The following PCID2 variants were observed in gnomAD, a reference collection of about 807,000 sequenced individuals.
The protein encoded by PCID2 is PCI domain containing 2, also known as PCI domain-containing protein 2.
In PCID2, 41 loss-of-function variants were observed where a neutral mutation model predicts 61.3. That is an observed-to-expected ratio of 0.67 (90% confidence interval 0.52 to 0.87). The LOEUF (loss-of-function observed/expected upper bound fraction) is 0.87. Ranked by LOEUF, PCID2 falls within the 40% of genes least tolerant of loss-of-function variation. PCID2 has a pLI of 0.00. For synonymous variants in PCID2, 187 were observed against 177.8 expected (o/e 1.05, Z -0.41); for missense variants, 392 against 493.4 (o/e 0.79, Z 1.95).
At chr13:113,183,929 G>A (rs139815795) in intron 9 of PCID2, 1 of 985,380 alleles carries the variant, frequency 1.0e-6, no homozygotes, top group East Asian at 1.1e-4. Context: ...CATATCCCCT[G>A]CTTCTAAGTC....
At chr13:113,202,694 CTG>C (rs1386242329) in intron 1 of PCID2, among the ~76,000 whole-genome samples, 6 of 152,094 alleles carry the variant, frequency 3.9e-5, no homozygotes, top group South Asian at 2.1e-4. Flanking sequence ...GTGTTTATGT[CTG>C]TGTGTGTGTC....
At chr13:113,204,136 C>A (rs952489179) in intron 1 of PCID2, among the ~76,000 whole-genome samples, 17 of 152,250 alleles carry the variant, frequency 1.1e-4, no homozygotes, top group African/African-American at 3.6e-4. Context: ...GCACTCCAGG[C>A]CCCGCACTGT....
intron 1 of PCID2, among the ~76,000 whole-genome samples, chr13:113,204,932 C>A (rs1001847018): frequency 6.6e-5 from 10 of 152,178 alleles, no homozygotes; most frequent in Non-Finnish European, 1.3e-4. Flanking sequence ...CTGAGCGGCA[C>A]CCCCAGGCCT....
At chr13:113,171,562 T>C in the PCID2 span, 6 of 1,613,716 alleles carry the variant, frequency 3.7e-6, no homozygotes, top group South Asian at 4.4e-5. The surrounding 1 kb of genome is among the most constrained non-coding windows in gnomAD (Gnocchi z 5.1). Context: ...AAAATCAGAC[T>C]GTAAAGAACT....
the PCID2 span, chr13:113,172,498 A>G: frequency 3.3e-6 from 1 of 307,028 alleles, no homozygotes; most frequent in Non-Finnish European, 6.3e-6. Context: ...AAGCGACAAC[A>G]ATCTCCGGTT....
the PCID2 span, chr13:113,172,118 T>C: frequency 1.2e-6 from 2 of 1,611,844 alleles, no homozygotes; most frequent in East Asian, 2.2e-5. Flanking sequence ...GAAACTCAGC[T>C]AGCCAGAATG....
At chr13:113,175,704 T>C (rs2037174844), downstream of PCID2, among the ~76,000 whole-genome samples, 1 of 152,198 alleles carries the variant, frequency 6.6e-6, no homozygotes, top group Non-Finnish European at 1.5e-5. Flanking sequence ...AGCAGCTACG[T>C]AGGTCAAGAG....
At chr13:113,187,885 C>A (rs564194539) in intron 7 of PCID2, 89 of 152,144 alleles carry the variant, frequency 5.8e-4, no homozygotes, top group African/African-American at 2.1e-3. Flanking sequence ...CTTTTGTTGT[C>A]GTATCTGAGA....
In PCID2 at chr13:113,208,338, C is replaced by G. The variant is rs1402174799; in HGVS notation, c.36+261G>C. 3 of 1,432,090 alleles carry G rather than the reference C, an allele frequency of 2.1e-6. No homozygotes were observed. The African/African-American group carries it at 4.3e-5, about 21-fold the overall frequency. The allele number at this position is 1,432,090 out of a possible 1,614,324, so 88.7% of individuals were successfully genotyped here. A position where few individuals can be genotyped will look rare whatever the true frequency, so the allele number is the denominator to read the frequency against. ...AGTGAGGGCAGCGACCTGGGACCGC[C>G]GCGTCTACTTACACCGCGACGACTC... On this transcript the variant is annotated intron_variant, in intron 1 of 13. Transcript: ENST00000337344.
rs1566951019 is a variant in PCID2, at chr13:113,185,550, T to C, written c.478A>G (p.Ile160Val). 3 of 1,608,644 alleles carry C rather than the reference T, an allele frequency of 1.9e-6. No individual in the cohort carries two copies. Among genetic ancestry groups the C allele is most frequent in the Non-Finnish European group, 2.6e-6 (3 of 1,175,124 alleles). ...RVCASDTRAG[I>V]EDSKKWGMLF... ...ATGCCCCACTTCTTAGAGTCCTCTA[T>C]ACCAGCACGGCTATGGGGAAATAAT... The change falls in exon 8 of 14, where the codon ATA (isoleucine) becomes GTA (valine). Residue 160 changes from isoleucine (I) to valine (V), a missense_variant. Physicochemically the swap from Ile to Val is conservative, Grantham distance 29 (BLOSUM62 3). Coordinates refer to ENST00000337344, the MANE Select transcript of PCID2 (RefSeq NM_001127202.4).
chr13:113,180,495 G>C (rs1039574604), intron 10 of PCID2, among the ~76,000 whole-genome samples: 3 of 152,164 alleles, frequency 2.0e-5, no homozygotes, highest in Admixed American at 6.5e-5. Context: ...TATAACAGGA[G>C]AGTGATAACT....
the PCID2 span, chr13:113,165,095 CG>C: frequency 1.2e-6 from 2 of 1,612,464 alleles, no homozygotes; most frequent in South Asian, 2.2e-5. Flanking sequence ...AAGCGTGCAC[CG>C]GATCTACAGG....
intron 3 of PCID2, among the ~76,000 whole-genome samples, 155 bp from the exon 4 acceptor site, chr13:113,197,398 A>G (rs772541030): frequency 1.3e-5 from 2 of 152,248 alleles, no homozygotes; most frequent in Non-Finnish European, 2.9e-5. Flanking sequence ...ACAGGTGAGG[A>G]TAAGAGGAAG....
chr13:113,183,853 A>G, intron 9 of PCID2: 1 of 985,438 alleles, frequency 1.0e-6, no homozygotes, highest in South Asian at 4.7e-5. Context: ...TTTAAACAGG[A>G]GCTCTGTGGT....
chr13:113,183,760 C>T (rs1409040843), intron 9 of PCID2: 1 of 984,588 alleles, frequency 1.0e-6, no homozygotes, highest in African/African-American at 1.8e-5. Flanking sequence ...AAAAAGAAGA[C>T]TAGTTTCCTG....
At chr13:113,191,106 T>A (rs1595207494) in intron 6 of PCID2, 131 bp from the exon 7 acceptor site, 2 of 513,542 alleles carry the variant, frequency 3.9e-6, no homozygotes, top group East Asian at 6.5e-5. Context: ...GATCTTCCCA[T>A]CTCAGCCTCC....
intron 9 of PCID2, among the ~76,000 whole-genome samples, chr13:113,183,160 C>T (rs1381218398): frequency 6.6e-6 from 1 of 152,124 alleles, no homozygotes; most frequent in Non-Finnish European, 1.5e-5. Flanking sequence ...CAGAATTACT[C>T]AGTAATCTCA....
intron 1 of PCID2, among the ~76,000 whole-genome samples, chr13:113,207,170 CA>C (rs2039933405): frequency 6.6e-6 from 1 of 152,166 alleles, no homozygotes; most frequent in African/African-American, 2.4e-5. Context: ...TTCTCATATC[CA>C]GATGTGTTTG....
intron 1 of PCID2, among the ~76,000 whole-genome samples, chr13:113,205,025 G>C (rs1319602738): frequency 6.6e-6 from 1 of 152,120 alleles, no homozygotes; most frequent in African/African-American, 2.4e-5. Flanking sequence ...CCTCCAGTCT[G>C]GTCCACAGGA....
Sources: allele counts gnomAD v4.1 joint callset (sites outside exome capture counted in the v4.1 genomes callset), GRCh38; gene constraint gnomAD v4.1.1; non-coding constraint Gnocchi (gnomAD v3.1); transcripts MANE v1.5; gene names NCBI Gene and HGNC (gene_info 2026-07-23, HGNC 2026-07-21).